CASK: variants seen among roughly 807,000 people sequenced by gnomAD.
CASK encodes the protein peripheral plasma membrane protein CASK.
CASK carries 4 observed loss-of-function variants against 82.9 expected under a neutral mutation model. The observed-to-expected ratio is 0.05, with a 90% CI of 0.02 to 0.11. The LOEUF (loss-of-function observed/expected upper bound fraction) is 0.11, where lower values mean the gene tolerates loss of function less well. Among genes scored for constraint, CASK ranks in the 10% least tolerant of loss-of-function variants. The pLI is 1.00. For synonymous variants in CASK, 259 were observed against 253.5 expected (o/e 1.02, Z -0.20); for missense variants, 358 against 720.9 (o/e 0.50, Z 5.76).
chrX:41,690,883 G>A (rs987535228), intron 5 of CASK, among the ~76,000 whole-genome samples: 1 of 109,005 alleles, frequency 9.2e-6, no homozygotes, highest in African/African-American at 3.3e-5. Context: ...ATCTTGCCCA[G>A]GCTGGTCTAG....
At chrX:41,917,661 G>A (rs969347915) in intron 1 of CASK, among the ~76,000 whole-genome samples, 2 of 111,911 alleles carry the variant, frequency 1.8e-5, no homozygotes, top group African/African-American at 6.5e-5. Context: ...ACATAGAAGC[G>A]TGTTACGGAC....
chrX:41,862,338 C>G (rs908739631), intron 1 of CASK, among the ~76,000 whole-genome samples: 5 of 109,576 alleles, frequency 4.6e-5, no homozygotes, highest in African/African-American at 1.3e-4. Context: ...GCCAGGAGTT[C>G]GAGACCAGCC....
chrX:41,640,020 T>C (rs2066622371), intron 8 of CASK, among the ~76,000 whole-genome samples: 1 of 111,617 alleles, frequency 9.0e-6, no homozygotes, highest in Non-Finnish European at 1.9e-5. Flanking sequence ...CTATTACACA[T>C]AAAGTTGCTA....
Position 41,553,114 on chromosome X carries a change from C to T in CASK, c.2039+605G>A, listed in dbSNP as rs758401583. Among the ~76,000 whole-genome samples the T allele has an allele frequency of 3.3e-3, 367 of 112,046 alleles. 2 individuals carry two copies. The highest frequency in any genetic ancestry group is 9.3e-3 in the Middle Eastern group (2 of 216). On this transcript the variant is annotated intron_variant, in intron 21 of 26. Coordinates refer to ENST00000378163, the MANE Select transcript of CASK (RefSeq NM_001367721.1). ...CAGAAATAGATTTTATCAAAATATA[C>T]AGTGATCTGTGACTCCTTTTCTCTC...
At chrX:41,799,938 C>T (rs1033424206) in intron 2 of CASK, among the ~76,000 whole-genome samples, 27 of 107,697 alleles carry the variant, frequency 2.5e-4, no homozygotes, top group Non-Finnish European at 5.0e-4. Context: ...CCATTTTCCA[C>T]GGCTCCATGC....
chrX:41,913,021 T>C (rs1057349009), intron 1 of CASK, among the ~76,000 whole-genome samples: 7 of 109,654 alleles, frequency 6.4e-5, no homozygotes, highest in Non-Finnish European at 1.1e-4. Flanking sequence ...TCACCTCCTC[T>C]GTAATGATTT....
At chrX:41,673,171 GT>G (rs1281121155) in intron 5 of CASK, among the ~76,000 whole-genome samples, 58 of 112,518 alleles carry the variant, frequency 5.2e-4, no homozygotes, top group Non-Finnish European at 7.5e-5. Context: ...TGTTGATGAT[GT>G]TTAGGCTTAA....
At chrX:41,874,287 G>A (rs973490931) in intron 1 of CASK, among the ~76,000 whole-genome samples, 13 of 111,420 alleles carry the variant, frequency 1.2e-4, no homozygotes, top group Non-Finnish European at 2.5e-4. Flanking sequence ...CCATCACCTA[G>A]GTATTAAGTC....
chrX:41,744,589 C>T (rs1252837709), intron 4 of CASK, among the ~76,000 whole-genome samples: 5 of 110,709 alleles, frequency 4.5e-5, no homozygotes, highest in Non-Finnish European at 9.5e-5. Flanking sequence ...CGTGATCTAC[C>T]CGCCTCGGCC....
intron 24 of CASK, among the ~76,000 whole-genome samples, chrX:41,532,737 G>A (rs1166507035): frequency 2.7e-5 from 3 of 111,442 alleles, no homozygotes; most frequent in Non-Finnish European, 5.6e-5. Context: ...TAAAGTGCTC[G>A]TGGTCATCAA....
At chrX:41,523,594 G>A (rs2064668016) in intron 26 of CASK, among the ~76,000 whole-genome samples, 1 of 112,486 alleles carries the variant, frequency 8.9e-6, no homozygotes. Context: ...ACTTGAGCTG[G>A]CTTGACAGTG....
At chrX:41,631,874 G>A (rs1247029027) in intron 9 of CASK, among the ~76,000 whole-genome samples, 1 of 111,685 alleles carries the variant, frequency 9.0e-6, no homozygotes, top group Admixed American at 9.5e-5. Flanking sequence ...GTTCATACCA[G>A]AATATTTGCG....
chrX:41,919,217 G>A (rs2072743593), intron 1 of CASK: 2 of 112,028 alleles, frequency 1.8e-5, no homozygotes, highest in African/African-American at 6.5e-5. Flanking sequence ...CCATAAATAA[G>A]TAACTGTAAT....
intron 5 of CASK, among the ~76,000 whole-genome samples, chrX:41,707,953 A>G (rs2067910609): frequency 9.0e-6 from 1 of 110,968 alleles, no homozygotes; most frequent in South Asian, 3.8e-4. Flanking sequence ...TCCTGTCTCT[A>G]CTAAAAATAC....
At chrX:41,684,523 G>A (rs765711295) in intron 5 of CASK, among the ~76,000 whole-genome samples, 1 of 111,448 alleles carries the variant, frequency 9.0e-6, no homozygotes, top group Non-Finnish European at 1.9e-5. Flanking sequence ...TCGAGACAGG[G>A]TCTCACTTTG....
chrX:41,905,743 C>A (rs1262121440), intron 1 of CASK, among the ~76,000 whole-genome samples: 1 of 112,687 alleles, frequency 8.9e-6, no homozygotes, highest in Non-Finnish European at 1.9e-5. Context: ...TCACTGCACA[C>A]CTGCAAGTCT....
chrX:41,827,927 A>G (rs1439624184), intron 2 of CASK, among the ~76,000 whole-genome samples: 1 of 111,982 alleles, frequency 8.9e-6, no homozygotes, highest in East Asian at 2.8e-4. Flanking sequence ...GGATTGAGGT[A>G]GGCAAGATAA....
intron 1 of CASK, among the ~76,000 whole-genome samples, chrX:41,922,191 C>A (rs1039402387): frequency 8.9e-6 from 1 of 111,815 alleles, no homozygotes; most frequent in African/African-American, 3.3e-5. Flanking sequence ...TTTTCCCCAG[C>A]GTAATTATAC....
At chrX:41,786,296 T>C (rs893384033) in intron 3 of CASK, among the ~76,000 whole-genome samples, 39 of 111,460 alleles carry the variant, frequency 3.5e-4, no homozygotes, top group African/African-American at 1.2e-3. Context: ...TATGAAGCAA[T>C]AGGTAATGAA....
Sources: allele counts gnomAD v4.1 joint callset (sites outside exome capture counted in the v4.1 genomes callset), GRCh38; gene constraint gnomAD v4.1.1; transcripts MANE v1.5; gene names NCBI Gene and HGNC (gene_info 2026-07-23, HGNC 2026-07-21).